CEP170: variants seen among roughly 807,000 people sequenced by gnomAD.
The protein encoded by CEP170 is centrosomal protein of 170 kDa.
A neutral mutation model predicts 151.9 loss-of-function variants in CEP170; 21 were observed. The ratio of observed to expected loss-of-function variants is 0.14; its 90% CI spans 0.10 to 0.20. The LOEUF is 0.20. Among genes scored for constraint, CEP170 ranks in the 10% least tolerant of loss-of-function variants. The probability of loss-of-function intolerance (pLI) is 1.00; values close to 1 mark genes in which losing one functional copy is unlikely to be tolerated. For synonymous variants in CEP170, 356 were observed against 648.8 expected (o/e 0.55, Z 6.86); for missense variants, 964 against 1,892.9 (o/e 0.51, Z 9.11).
intron 1 of CEP170, among the ~76,000 whole-genome samples, chr1:243,248,355 G>A (rs1019081825): frequency 2.6e-5 from 4 of 152,192 alleles, no homozygotes; most frequent in African/African-American, 2.4e-5. Flanking sequence ...CCTCGATGGC[G>A]CCTTCTCTTT....
At chr1:243,187,759 A>C (rs1204663098) in intron 8 of CEP170, among the ~76,000 whole-genome samples, 2 of 152,186 alleles carry the variant, frequency 1.3e-5, no homozygotes, top group Admixed American at 1.3e-4. Flanking sequence ...TTTAACACAG[A>C]AACACTAGTT....
intron 1 of CEP170, among the ~76,000 whole-genome samples, chr1:243,246,226 CTTTT>C (rs774096892): frequency 8.2e-5 from 9 of 109,468 alleles, no homozygotes; most frequent in African/African-American, 1.9e-4. Context: ...GTGTTGTTTA[CTTTT>C]TTTTTTTTTT....
At chr1:243,127,246 C>T (rs2787267) in intron 19 of CEP170, among the ~76,000 whole-genome samples, 2 of 152,238 alleles carry the variant, frequency 1.3e-5, no homozygotes, top group African/African-American at 2.4e-5. Flanking sequence ...CAGCTGTATA[C>T]ACCACTGAGA....
In CEP170 at chr1:243,164,611, C is replaced by T. The variant is rs751241960; in HGVS notation, c.3349G>A (p.Ala1117Thr). ...RLGEASDSEL[A>T]DADKASVASE... ...GCAACAGATGCTTTGTCAGCATCAG[C>T]AAGTTCACTGTCTGAAGCTTCACCA... The change falls in exon 13 of 20, where the codon GCT becomes ACT. Residue 1117 changes from alanine (A) to threonine (T), a missense_variant. Coordinates refer to ENST00000366542, the MANE Select transcript of CEP170 (RefSeq NM_014812.3). The T allele has an allele frequency of 3.1e-6, 5 of 1,613,750 alleles. No individual in the cohort carries two copies. Among genetic ancestry groups the T allele is most frequent in the Non-Finnish European group, 4.2e-6 (5 of 1,179,720 alleles).
intron 13 of CEP170, among the ~76,000 whole-genome samples, chr1:243,159,257 T>C (rs1440586341): frequency 1.3e-5 from 2 of 151,934 alleles, no homozygotes; most frequent in African/African-American, 2.4e-5. Flanking sequence ...GGAAAACATA[T>C]CACACATGGG....
At chr1:243,151,724 A>T (rs2057096601) in intron 14 of CEP170, among the ~76,000 whole-genome samples, 1 of 152,270 alleles carries the variant, frequency 6.6e-6, no homozygotes, top group African/African-American at 2.4e-5. Context: ...GATCTAGCTA[A>T]GATAATTGAT....
At chr1:243,196,174 T>C (rs992027212) in intron 7 of CEP170, among the ~76,000 whole-genome samples, 33 of 152,106 alleles carry the variant, frequency 2.2e-4, no homozygotes, top group African/African-American at 7.2e-4. Flanking sequence ...TTTAAATCTT[T>C]GTACCCTATG....
intron 1 of CEP170, among the ~76,000 whole-genome samples, chr1:243,237,705 C>G (rs1022333988): frequency 6.6e-6 from 1 of 152,104 alleles, no homozygotes; most frequent in Non-Finnish European, 1.5e-5. Context: ...GAGTTCGAGA[C>G]CAACCTGGCC....
intron 17 of CEP170, among the ~76,000 whole-genome samples, chr1:243,132,528 C>T (rs1253338135): frequency 1.3e-5 from 2 of 152,132 alleles, no homozygotes; most frequent in African/African-American, 2.4e-5. Flanking sequence ...GAACTGAAGG[C>T]AATTCAAATA....
intron 1 of CEP170, among the ~76,000 whole-genome samples, chr1:243,243,105 C>A (rs1329258544): frequency 6.6e-6 from 1 of 152,158 alleles, no homozygotes; most frequent in Non-Finnish European, 1.5e-5. Context: ...GTGGCTCATG[C>A]CTATCTGCTT....
chr1:243,245,005 G>C (rs922781708), intron 1 of CEP170, among the ~76,000 whole-genome samples: 7 of 152,086 alleles, frequency 4.6e-5, no homozygotes, highest in Admixed American at 3.3e-4. Flanking sequence ...AAATTTAAAA[G>C]GCAATGACAA....
chr1:243,128,276 G>T lies in CEP170; in HGVS notation c.4438C>A (p.Leu1480Met), dbSNP rs184190530. 2,989 of 1,593,288 alleles carry T rather than the reference G, an allele frequency of 1.9e-3. 39 individuals carry two copies. The highest frequency in any genetic ancestry group is 7.7e-4 in the Non-Finnish European group (905 of 1,173,102). Residue 1480 changes from leucine (L) to methionine (M), a missense_variant, in exon 19 of 20, where the codon CTG becomes ATG. Leu to Met is a conservative substitution (Grantham distance 15, BLOSUM62 2). Transcript: ENST00000366542. ...SMEISSILQE[L>M]KRVEKQLQAI... ...TGCAGCTGCTTTTCTACTCTTTTCA[G>T]TTCCTGTAAGATAGAAGAAATCTCC...
chr1:243,220,409 G>GA (rs201719197), intron 3 of CEP170, among the ~76,000 whole-genome samples: 20 of 146,294 alleles, frequency 1.4e-4, no homozygotes, highest in South Asian at 4.3e-4. Context: ...CATGCTTTGA[G>GA]AAAAAAAAAT....
chr1:243,208,123 C>T (rs1156409403), intron 4 of CEP170, among the ~76,000 whole-genome samples: 2 of 151,982 alleles, frequency 1.3e-5, no homozygotes, highest in Non-Finnish European at 2.9e-5. Flanking sequence ...TTCTCTTACT[C>T]TACATCCAGT....
chr1:243,137,120 T>G (rs866121996), intron 16 of CEP170, among the ~76,000 whole-genome samples: 1 of 152,252 alleles, frequency 6.6e-6, no homozygotes, highest in South Asian at 2.1e-4. Context: ...AAATTATGCA[T>G]GTGGACATAG....
intron 14 of CEP170, among the ~76,000 whole-genome samples, chr1:243,152,068 G>T (rs1288513159): frequency 6.6e-6 from 1 of 152,128 alleles, no homozygotes; most frequent in African/African-American, 2.4e-5. Flanking sequence ...GAGACATACT[G>T]CTCAGAAAAA....
Position 243,164,938 on chromosome 1 carries a change from A to G in CEP170, c.3022T>C (p.Phe1008Leu), listed in dbSNP as rs1241129973. 1 of 1,613,890 alleles carries G rather than the reference A, an allele frequency of 6.2e-7. No homozygotes were observed. Among genetic ancestry groups the G allele is most frequent in the Non-Finnish European group, 8.5e-7 (1 of 1,179,746 alleles). ...DVGSRADGRK[F>L]VQSSGRIRQP... ...CTTATTCTCCCACTGGACTGAACAA[A>G]TTTACGACCATCTGCTCTTGAACCC... Residue 1008 changes from phenylalanine (F) to leucine (L), a missense_variant, in exon 13 of 20, where the codon TTT becomes CTT. Coordinates refer to ENST00000366542, the MANE Select transcript of CEP170 (RefSeq NM_014812.3).
chr1:243,155,722 ATTTTG>A (rs2057487035), intron 14 of CEP170, among the ~76,000 whole-genome samples: 1 of 152,124 alleles, frequency 6.6e-6, no homozygotes, highest in Non-Finnish European at 1.5e-5. Context: ...AAATAGTCAT[ATTTTG>A]TTTTACTTAC....
chr1:243,158,331 T>C (rs2057748041), intron 13 of CEP170, among the ~76,000 whole-genome samples: 1 of 152,218 alleles, frequency 6.6e-6, no homozygotes, highest in Admixed American at 6.5e-5. Flanking sequence ...CATCAAATGT[T>C]CTGATTTTTG....
Sources: gnomAD v4.1 joint callset for allele counts (sites outside exome capture counted in the v4.1 genomes callset) on GRCh38, gnomAD v4.1.1 for gene constraint, MANE v1.5 for transcripts, NCBI Gene and HGNC (gene_info 2026-07-23, HGNC 2026-07-21) for gene names.